The following RBFOX1 variants were observed in gnomAD, a reference collection of about 807,000 sequenced individuals.
RBFOX1 encodes the protein RNA binding protein fox-1 homolog 1.
RBFOX1 carries 8 observed loss-of-function variants against 57.7 expected under a neutral mutation model. The observed-to-expected ratio is 0.14, with a 90% CI of 0.08 to 0.25. The LOEUF (loss-of-function observed/expected upper bound fraction) is 0.25. Ranked by LOEUF, RBFOX1 falls within the 10% of genes least tolerant of loss-of-function variation. RBFOX1 has a pLI of 1.00. For synonymous variants in RBFOX1, 326 were observed against 222.4 expected (o/e 1.47, Z -4.15); for missense variants, 611 against 548.5 (o/e 1.11, Z -1.14).
intron 9 of RBFOX1, among the ~76,000 whole-genome samples, chr16:7,600,373 G>C (rs531862440): frequency 5.3e-5 from 8 of 152,302 alleles, no homozygotes; most frequent in African/African-American, 1.9e-4. Context: ...AGTTCTCCAA[G>C]CTATCCCAAG....
intron 4 of RBFOX1, among the ~76,000 whole-genome samples, chr16:7,207,219 T>C (rs1446443493): frequency 1.3e-5 from 2 of 152,238 alleles, no homozygotes; most frequent in African/African-American, 4.8e-5. Context: ...TGCTCATTTT[T>C]ATGTATATGG....
intron 4 of RBFOX1, among the ~76,000 whole-genome samples, chr16:7,270,587 C>G (rs1233965913): frequency 6.6e-6 from 1 of 152,118 alleles, no homozygotes; most frequent in African/African-American, 2.4e-5. Flanking sequence ...CATATTTATT[C>G]CTATGAGATA....
At chr16:6,629,347 G>T (rs547186883) in intron 2 of RBFOX1, among the ~76,000 whole-genome samples, 1 of 152,328 alleles carries the variant, frequency 6.6e-6, no homozygotes, top group African/African-American at 2.4e-5. Context: ...AAGAAACACA[G>T]TGTTGCTCGT....
chr16:7,394,602 G>C (rs2098111192), intron 4 of RBFOX1, among the ~76,000 whole-genome samples: 1 of 152,032 alleles, frequency 6.6e-6, no homozygotes, highest in Non-Finnish European at 1.5e-5. Context: ...CCTCTCTACT[G>C]TACCTCCAAC....
chr16:6,038,432 T>C (rs2095395347), intron 1 of RBFOX1: 1 of 150,082 alleles, frequency 6.7e-6, no homozygotes, highest in African/African-American at 2.4e-5. Flanking sequence ...TCTGCCCACC[T>C]CAGCCTGCCA....
intron 5 of RBFOX1, among the ~76,000 whole-genome samples, chr16:7,564,848 C>G (rs1357451574): frequency 2.6e-5 from 4 of 152,142 alleles, no homozygotes; most frequent in Non-Finnish European, 5.9e-5. Context: ...GTCAGCCCTT[C>G]TCTGTCCTCC....
At chr16:5,397,486 G>A (rs536709102) in intron 1 of RBFOX1, among the ~76,000 whole-genome samples, 10 of 152,302 alleles carry the variant, frequency 6.6e-5, no homozygotes, top group East Asian at 3.9e-4. Flanking sequence ...TATGGACGGC[G>A]GAGTGTGCCA....
At chr16:5,746,704 G>C (rs1286031260) in intron 3 of RBFOX1, among the ~76,000 whole-genome samples, 5 of 152,160 alleles carry the variant, frequency 3.3e-5, no homozygotes, top group Non-Finnish European at 1.5e-5. Context: ...TGAAGCAATT[G>C]TGAATGGGAG....
intron 5 of RBFOX1, chr16:7,519,874 TTTTG>T (rs1415665475): frequency 3.9e-6 from 1 of 253,950 alleles, no homozygotes; most frequent in African/African-American, 2.4e-5. Context: ...AGTTTTGACG[TTTTG>T]TTTTTGTTTT....
chr16:6,195,565 A>C (rs771176510), intron 1 of RBFOX1, among the ~76,000 whole-genome samples: 3 of 151,998 alleles, frequency 2.0e-5, no homozygotes, highest in Non-Finnish European at 4.4e-5. Flanking sequence ...TAAAAATACA[A>C]AAAATTAGCC....
intron 1 of RBFOX1, among the ~76,000 whole-genome samples, chr16:5,266,779 G>C (rs1412518770): frequency 6.6e-6 from 1 of 151,508 alleles, no homozygotes; most frequent in Non-Finnish European, 1.5e-5. Context: ...GGCTGGTCTC[G>C]AGCTGTTGGG....
At chr16:6,134,361 C>G (rs746402596) in intron 1 of RBFOX1, among the ~76,000 whole-genome samples, 2 of 152,164 alleles carry the variant, frequency 1.3e-5, no homozygotes, top group Non-Finnish European at 2.9e-5. Context: ...TGTCTGGTTT[C>G]AGTGTAATCT....
intron 3 of RBFOX1, among the ~76,000 whole-genome samples, chr16:6,684,705 C>T (rs2059167407): frequency 6.6e-6 from 1 of 152,156 alleles, no homozygotes; most frequent in South Asian, 2.1e-4. Context: ...TAAAGATCAC[C>T]TTAAATTGTG....
At chr16:7,083,435 C>A (rs1471827232) in intron 4 of RBFOX1, among the ~76,000 whole-genome samples, 2 of 151,938 alleles carry the variant, frequency 1.3e-5, no homozygotes, top group Non-Finnish European at 2.9e-5. Context: ...CTCATTTAGG[C>A]TCACAGAAGC....
intron 14 of RBFOX1, among the ~76,000 whole-genome samples, chr16:7,706,356 T>C (rs2082436710): frequency 6.6e-6 from 1 of 152,234 alleles, no homozygotes; most frequent in African/African-American, 2.4e-5. Flanking sequence ...AGTAGTTCAA[T>C]GCTGCTGTAT....
intron 2 of RBFOX1, 102 bp downstream of exon 2, chr16:6,317,159 A>C: frequency 8.7e-7 from 1 of 1,150,884 alleles, no homozygotes; most frequent in Non-Finnish European, 1.2e-6. Context: ...AGTTGTTACA[A>C]AAACTTTGCT....
intron 14 of RBFOX1, among the ~76,000 whole-genome samples, chr16:7,697,790 T>C (rs553326327): frequency 6.6e-6 from 1 of 152,298 alleles, no homozygotes; most frequent in African/African-American, 2.4e-5. Flanking sequence ...CCTTCCCCAG[T>C]ATGCTATCTT....
At chr16:6,820,825 C>T (rs2091163281) in intron 3 of RBFOX1, among the ~76,000 whole-genome samples, 1 of 152,168 alleles carries the variant, frequency 6.6e-6, no homozygotes, top group South Asian at 2.1e-4. Flanking sequence ...ACCATTGGTA[C>T]TTCCAAAGAA....
intron 2 of RBFOX1, among the ~76,000 whole-genome samples, chr16:6,639,180 T>C (rs1349301947): frequency 1.3e-5 from 2 of 152,240 alleles, no homozygotes; most frequent in Non-Finnish European, 2.9e-5. Flanking sequence ...GCTAGCTCTG[T>C]TGACCTTCAG....
Sources: gnomAD v4.1 joint callset for allele counts (sites outside exome capture counted in the v4.1 genomes callset) on GRCh38, gnomAD v4.1.1 for gene constraint, MANE v1.5 for transcripts, NCBI Gene and HGNC (gene_info 2026-07-23, HGNC 2026-07-21) for gene names.